The following MARK4 variants were observed in gnomAD, a reference collection of about 807,000 sequenced individuals.
The protein encoded by MARK4 is microtubule affinity regulating kinase 4, also known as MAP/microtubule affinity-regulating kinase 4.
In MARK4, 19 loss-of-function variants were observed where a neutral mutation model predicts 81.5. The ratio of observed to expected loss-of-function variants is 0.23; its 90% CI spans 0.16 to 0.34. The LOEUF (loss-of-function observed/expected upper bound fraction) is 0.34. Ranked by LOEUF, MARK4 falls within the 10% of genes least tolerant of loss-of-function variation. The pLI is 1.00. For synonymous variants in MARK4, 436 were observed against 439.0 expected, an observed-to-expected ratio of 0.99 and a Z score of 0.08; for missense variants, 772 against 1,058.8, an observed-to-expected ratio of 0.73 and a Z score of 3.76.
At chr19:45,292,242 A>G (rs1345488427) in intron 13 of MARK4, among the ~76,000 whole-genome samples, 1 of 152,050 alleles carries the variant, frequency 6.6e-6, no homozygotes, top group Non-Finnish European at 1.5e-5. Context: ...GTTCGAGACC[A>G]GCCTGGGCAA....
chr19:45,252,074 TCTG>T (rs1410485094), intron 1 of MARK4, among the ~76,000 whole-genome samples: 1 of 151,772 alleles, frequency 6.6e-6, no homozygotes, highest in Admixed American at 6.6e-5. Flanking sequence ...CAGTCCTGCC[TCTG>T]GCTCCGGCCT....
At chr19:45,279,099 C>T (rs1447333206) in intron 10 of MARK4, among the ~76,000 whole-genome samples, 3 of 151,684 alleles carry the variant, frequency 2.0e-5, no homozygotes, top group Admixed American at 6.6e-5. Flanking sequence ...GTTGTGTGCA[C>T]CTGTAGTCTC....
chr19:45,271,064 C>G lies in MARK4; in HGVS notation c.550-408C>G, dbSNP rs1042717833. ...CGATTACAGGCGTGAGCCACGGTGC[C>G]CAGCCCAATTTTTGTATTTTTAGTA... On this transcript the variant is annotated intron_variant, in intron 7 of 16. Transcript: ENST00000262891. This position sits in a 1 kb window ranked among gnomAD's most constrained non-coding sequence, Gnocchi z 4.1. Among the ~76,000 whole-genome samples, 1 of 152,176 alleles carries G rather than the reference C, an allele frequency of 6.6e-6. No individual in the cohort carries two copies. Among genetic ancestry groups the G allele is most frequent in the Admixed American group, 6.6e-5 (1 of 15,264 alleles).
intron 15 of MARK4, 102 bp downstream of exon 15, chr19:45,298,056 TTCCTCCTCC>T (rs899485970): frequency 8.7e-6 from 13 of 1,491,304 alleles, no homozygotes; most frequent in Admixed American, 1.9e-5. Flanking sequence ...ACATTTCCTC[TTCCTCCTCC>T]TCCTCCTCCT....
In MARK4 at chr19:45,259,017, C is replaced by G; in HGVS notation, c.80C>G (p.Ser27Trp). The G allele has an allele frequency of 6.2e-7, 1 of 1,613,226 alleles. No individual in the cohort carries two copies. Among genetic ancestry groups the G allele is most frequent in the Non-Finnish European group, 8.5e-7 (1 of 1,179,956 alleles). Residue 27 changes from serine to tryptophan, a missense_variant, in exon 2 of 17, where the codon TCG (serine) becomes TGG (tryptophan). This residue lies in a region of MARK4 where 115 missense variants were observed against 139.8 expected (regional missense o/e 0.82). Coordinates refer to ENST00000262891, the MANE Select transcript of MARK4 (RefSeq NM_001199867.2). ...GGCACCTTGGGCAGTGGCCGCTCCT[C>G]GGACAAAGGCCCGTCCTGGTCCAGC... Reference protein sequence around the residue: ...THGTLGSGRSSDKGPSWSSRS... With the variant: ...THGTLGSGRSWDKGPSWSSRS...
intron 12 of MARK4, among the ~76,000 whole-genome samples, chr19:45,284,619 C>T (rs1399021944): frequency 2.6e-5 from 4 of 152,056 alleles, no homozygotes; most frequent in South Asian, 2.1e-4. Context: ...TGAGCCACCG[C>T]GCCTGGCCCG....
At position 45,271,423 on chromosome 19, in the gene MARK4, G is replaced by A; in HGVS notation, c.550-49G>A. The A allele has an allele frequency of 6.3e-7, 1 of 1,579,902 alleles. No individual in the cohort carries two copies. The highest frequency in any genetic ancestry group is 8.7e-7 in the Non-Finnish European group (1 of 1,155,166). ...CTGTCTGCCTCCCACGTCCATGAAA[G>A]GCTTTGGCCTTGAGTCCCACTTTCC... On this transcript the variant is annotated intron_variant, in intron 7 of 16. Transcript: ENST00000262891. This position sits in a 1 kb window ranked among gnomAD's most constrained non-coding sequence, Gnocchi z 4.1.
chr19:45,258,392 C>A (rs1046734129), intron 1 of MARK4, among the ~76,000 whole-genome samples: 1 of 152,138 alleles, frequency 6.6e-6, no homozygotes, highest in Non-Finnish European at 1.5e-5. Context: ...CTTGCGATAT[C>A]TCTGAGGTAT....
chr19:45,300,386 C>T (rs1651308624), intron 16 of MARK4, among the ~76,000 whole-genome samples: 1 of 139,238 alleles, frequency 7.2e-6, no homozygotes, highest in Non-Finnish European at 1.6e-5. Flanking sequence ...ATCCCATCCA[C>T]AACTCAACTC....
At chr19:45,267,427 A>C (rs1374312877) in intron 7 of MARK4, among the ~76,000 whole-genome samples, 1 of 152,168 alleles carries the variant, frequency 6.6e-6, no homozygotes, top group Non-Finnish European at 1.5e-5. Flanking sequence ...ACGGGGCTCC[A>C]GCCCAGCTAC....
chr19:45,303,834 C>G lies in MARK4; in HGVS notation c.*1124C>G, dbSNP rs1039390952. On this transcript the variant is annotated 3_prime_UTR_variant, in exon 17 of 17. Coordinates refer to ENST00000262891, the MANE Select transcript of MARK4 (RefSeq NM_001199867.2). ...GGGTGGGGTCATTGGGGAAGATGCT[C>G]TAGAGGAATTAATGCTGGAATGGGG... The G allele has an allele frequency of 6.6e-6, 1 of 152,088 alleles. No individual in the cohort carries two copies. The highest frequency in any genetic ancestry group is 2.4e-5 in the African/African-American group (1 of 41,394). The allele number at this position is 152,088 out of a possible 1,614,324, so 9.4% of individuals were successfully genotyped here.
At chr19:45,281,552 G>C (rs1599793157) in intron 12 of MARK4, among the ~76,000 whole-genome samples, 1 of 151,402 alleles carries the variant, frequency 6.6e-6, no homozygotes, top group Non-Finnish European at 1.5e-5. Flanking sequence ...GTAGAGACAG[G>C]GTTTCACCAT....
chr19:45,256,209 G>A (rs1970306211), intron 1 of MARK4, among the ~76,000 whole-genome samples: 1 of 152,266 alleles, frequency 6.6e-6, no homozygotes, highest in South Asian at 2.1e-4. Context: ...AGGCCGAGGT[G>A]GGTGGATCAC....
intron 8 of MARK4, 60 bp from the exon 9 acceptor site, chr19:45,277,863 G>GTA (rs1304476473): frequency 1.4e-6 from 2 of 1,447,354 alleles, no homozygotes; most frequent in Non-Finnish European, 1.9e-6. Context: ...GTGTGTGTGT[G>GTA]TGTGTGTAAT....
chr19:45,296,590 G>A (rs1422425516), intron 14 of MARK4, among the ~76,000 whole-genome samples: 1 of 152,258 alleles, frequency 6.6e-6, no homozygotes, highest in Admixed American at 6.5e-5. Context: ...TCTGGGAAAT[G>A]TAGTCTCTGG....
intron 6 of MARK4, 145 bp downstream of exon 6, chr19:45,265,055 T>C: frequency 1.6e-5 from 12 of 765,384 alleles, no homozygotes; most frequent in Non-Finnish European, 8.6e-6. Context: ...CTGGGTGTGC[T>C]GGGCATATAG....
At chr19:45,263,269 C>G in intron 3 of MARK4, 50 bp from the exon 4 acceptor site, 1 of 1,614,022 alleles carries the variant, frequency 6.2e-7, no homozygotes, top group Non-Finnish European at 8.5e-7. Flanking sequence ...AAGGATCCCC[C>G]AAGCCACCCA....
chr19:45,283,372 A>G (rs995920474), intron 12 of MARK4, among the ~76,000 whole-genome samples: 26 of 147,950 alleles, frequency 1.8e-4, no homozygotes, highest in Admixed American at 4.9e-4. Context: ...TCGCGCCACT[A>G]CACTCTAGCC....
At chr19:45,263,231 A>C (rs1599780771) in intron 3 of MARK4, 65 bp downstream of exon 3, 3 of 1,613,328 alleles carry the variant, frequency 1.9e-6, no homozygotes, top group South Asian at 2.2e-5. Context: ...GACCCACCTG[A>C]CCCTTCCTGC....
Sources: allele counts gnomAD v4.1 joint callset (sites outside exome capture counted in the v4.1 genomes callset), GRCh38; gene constraint gnomAD v4.1.1; regional missense constraint gnomAD v4.1.1; non-coding constraint Gnocchi (gnomAD v3.1); transcripts MANE v1.5; gene names NCBI Gene and HGNC (gene_info 2026-07-23, HGNC 2026-07-21).